Variants in RELN observed in about 807,000 individuals in gnomAD.
The protein encoded by RELN is reelin.
RELN carries 108 observed loss-of-function variants against 427.6 expected under a neutral mutation model. The ratio of observed to expected loss-of-function variants is 0.25; its 90% confidence interval spans 0.22 to 0.30. The LOEUF (loss-of-function observed/expected upper bound fraction) is 0.30, where lower values mean the gene tolerates loss of function less well. Among genes scored for constraint, RELN ranks in the 10% least tolerant of loss-of-function variants. The pLI, the probability that RELN is intolerant of heterozygous loss-of-function variation, is 1.00. For missense variants in RELN, 3,715 were observed against 4,302.8 expected (o/e 0.86, Z 3.82); for synonymous variants, 1,524 against 1,513.4 (o/e 1.01, Z -0.16).
At chr7:103,864,221 C>T (rs943584636) in intron 2 of RELN, among the ~76,000 whole-genome samples, 4 of 152,206 alleles carry the variant, frequency 2.6e-5, no homozygotes, top group African/African-American at 9.6e-5. Context: ...CAAGTTCACA[C>T]AGCTAGTGTC....
At chr7:103,570,056 C>T (rs1395985986) in intron 31 of RELN, among the ~76,000 whole-genome samples, 1 of 152,160 alleles carries the variant, frequency 6.6e-6, no homozygotes, top group African/African-American at 2.4e-5. Context: ...ATTTTAACAA[C>T]CAGTTTTCAA....
intron 41 of RELN, among the ~76,000 whole-genome samples, chr7:103,548,048 A>G (rs777564027): frequency 4.6e-5 from 7 of 152,256 alleles, no homozygotes; most frequent in Non-Finnish European, 8.8e-5. Context: ...TTTCAAGCAC[A>G]CAACATTGCT....
At chr7:103,584,636 A>C (rs1289994993) in intron 28 of RELN, among the ~76,000 whole-genome samples, 1 of 152,174 alleles carries the variant, frequency 6.6e-6, no homozygotes, top group Admixed American at 6.5e-5. Context: ...CACCCCAATG[A>C]CATCACTAGA....
At chr7:103,650,241 T>C (rs1340366529) in intron 16 of RELN, 33 bp downstream of exon 16, 1 of 1,227,294 alleles carries the variant, frequency 8.1e-7, no homozygotes, top group Non-Finnish European at 1.2e-6. Flanking sequence ...TCTACATCAA[T>C]GGCATGTGAT....
Position 103,490,324 on chromosome 7 carries a change from G to C in RELN, c.9605+344C>G, listed in dbSNP as rs1050092626. Among the ~76,000 whole-genome samples, 3 of 148,124 alleles carry C rather than the reference G, an allele frequency of 2.0e-5. 1 individual carries two copies. The highest frequency in any genetic ancestry group is 7.2e-5 in the African/African-American group (3 of 41,408). ...TCTGGATGAGAAGCGCAGCCTTTGGGAAGGCAGAACACTGGGGCAGAACTG... is the reference window on the plus strand; with the variant it reads ...TCTGGATGAGAAGCGCAGCCTTTGGCAAGGCAGAACACTGGGGCAGAACTG... On this transcript the variant is annotated intron_variant, in intron 59 of 64. Transcript: ENST00000428762.
intron 20 of RELN, among the ~76,000 whole-genome samples, chr7:103,624,932 TG>T (rs1832296858): frequency 6.6e-6 from 1 of 152,236 alleles, no homozygotes; most frequent in Non-Finnish European, 1.5e-5. Context: ...CTGTCTTTTA[TG>T]CCCATGAAAG....
intron 7 of RELN, among the ~76,000 whole-genome samples, chr7:103,726,083 C>T (rs1309097230): frequency 6.6e-6 from 1 of 152,092 alleles, no homozygotes; most frequent in African/African-American, 2.4e-5. Flanking sequence ...TCATGCACAA[C>T]AATTTTGACG....
chr7:103,815,600 C>A (rs954858460), intron 3 of RELN, among the ~76,000 whole-genome samples: 1 of 152,176 alleles, frequency 6.6e-6, no homozygotes. Context: ...AGAACTTCTA[C>A]TTACAGATTA....
chr7:103,529,936 A>G (rs376594577), intron 46 of RELN, among the ~76,000 whole-genome samples: 4 of 152,232 alleles, frequency 2.6e-5, no homozygotes, highest in African/African-American at 9.6e-5. Flanking sequence ...GCTTCTGGAT[A>G]CCATGTTATT....
intron 8 of RELN, among the ~76,000 whole-genome samples, chr7:103,721,710 T>A (rs1790081151): frequency 6.6e-6 from 1 of 152,190 alleles, no homozygotes; most frequent in Non-Finnish European, 1.5e-5. Context: ...TCTCTTGTGT[T>A]CTTTAATTGC....
intron 2 of RELN, among the ~76,000 whole-genome samples, chr7:103,860,456 A>G (rs1383557754): frequency 6.6e-6 from 1 of 152,190 alleles, no homozygotes; most frequent in Non-Finnish European, 1.5e-5. Context: ...CTTGTTGAAG[A>G]ACTCTCTCAA....
chr7:103,700,796 C>T (rs1044176956), intron 9 of RELN, 114 bp downstream of exon 9: 3 of 746,764 alleles, frequency 4.0e-6, no homozygotes, highest in Non-Finnish European at 7.3e-6. Context: ...ACATAATTAA[C>T]AACCAGAGTC....
In RELN at chr7:103,496,475, G is replaced by A. The variant is rs764034018; in HGVS notation, c.9193+51C>T. 1.1e-5 allele frequency: 18 copies of A among 1,612,388 alleles called. No homozygotes were observed. In the African/African-American group the frequency reaches 2.1e-4, roughly 19 times the overall value. On this transcript the variant is annotated intron_variant, in intron 56 of 64. Coordinates refer to ENST00000428762, the MANE Select transcript of RELN (RefSeq NM_005045.4). ...TGTGCTAATCTATCTGAAGACATAA[G>A]CAGAAAAATGGCTCACAGGAAAGAA... is the stretch of plus-strand genomic sequence containing the variant.
At chr7:103,607,203 C>A (rs1831841670) in intron 22 of RELN, among the ~76,000 whole-genome samples, 1 of 151,846 alleles carries the variant, frequency 6.6e-6, no homozygotes, top group Non-Finnish European at 1.5e-5. Flanking sequence ...ATGTAACAAA[C>A]CTGCACGTTG....
chr7:103,876,441 T>G (rs1055249878), intron 2 of RELN, among the ~76,000 whole-genome samples: 2 of 152,144 alleles, frequency 1.3e-5, no homozygotes, highest in African/African-American at 4.8e-5. Flanking sequence ...CTTCCAAAAG[T>G]ATTTATTGGT....
chr7:103,849,313 AT>A (rs35465021), intron 2 of RELN, among the ~76,000 whole-genome samples: 79,928 of 151,682 alleles, frequency 0.53, 21,351 homozygotes, highest in African/African-American at 0.59. Context: ...ATATCTTAAG[AT>A]TTTTTTCAAC....
chr7:103,813,808 T>C (rs1351845277), intron 3 of RELN, among the ~76,000 whole-genome samples: 2 of 152,152 alleles, frequency 1.3e-5, no homozygotes, highest in Non-Finnish European at 2.9e-5. Flanking sequence ...ACTGTTGTAG[T>C]GTAACATGCC....
intron 16 of RELN, among the ~76,000 whole-genome samples, chr7:103,642,687 C>T (rs1448761271): frequency 2.6e-5 from 4 of 152,050 alleles, no homozygotes; most frequent in Admixed American, 2.0e-4. Context: ...TTTTCATAGG[C>T]TTACATGTGC....
At chr7:103,507,604 A>G (rs1829257831) in intron 51 of RELN, among the ~76,000 whole-genome samples, 1 of 152,214 alleles carries the variant, frequency 6.6e-6, no homozygotes, top group African/African-American at 2.4e-5. Context: ...CTGACACCCT[A>G]ACATCAAAAT....
Sources: allele counts gnomAD v4.1 joint callset (sites outside exome capture counted in the v4.1 genomes callset), GRCh38; gene constraint gnomAD v4.1.1; transcripts MANE v1.5; gene names NCBI Gene and HGNC (gene_info 2026-07-23, HGNC 2026-07-21).